Variants in FSHR observed in about 807,000 individuals in gnomAD.
The protein encoded by FSHR is follicle-stimulating hormone receptor.
A neutral mutation model predicts 52.1 loss-of-function variants in FSHR; 46 were observed. The observed-to-expected ratio is 0.88, with a 90% CI of 0.70 to 1.13. FSHR has a LOEUF of 1.13. FSHR is among the 50% of genes most tolerant of loss of function. The pLI, the probability that FSHR is intolerant of heterozygous loss-of-function variation, is 0.00. For missense variants in FSHR, 964 were observed against 834.6 expected, an observed-to-expected ratio of 1.16 and a Z score of -1.91; for synonymous variants, 399 against 309.6, an observed-to-expected ratio of 1.29 and a Z score of -3.03.
In FSHR at chr2:48,963,390, C is replaced by T. The variant is rs368888734; in HGVS notation, c.1431G>A (p.Leu477=). The T allele has an allele frequency of 2.6e-5, 42 of 1,613,924 alleles. No individual in the cohort carries two copies. Among genetic ancestry groups the T allele is most frequent in the Admixed American group, 2.0e-4 (12 of 59,988 alleles). Residue 477 remains leucine, a synonymous_variant, in exon 10 of 10, where the codon CTG becomes CTA. Coordinates refer to ENST00000406846, the MANE Select transcript of FSHR (RefSeq NM_000145.4). The part of the protein sequence containing the change: ...RWHTITHAMQ[L]DCKVQLRHAA... ...CATGGCGGAGCTGCACCTTGCAGTC[C>T]AGCTGCATGGCATGCGTGATGGTAT...
Position 49,076,886 on chromosome 2 carries a change from T to A in FSHR, c.153-8596A>T, listed in dbSNP as rs148136922. On this transcript the variant is annotated intron_variant, in intron 1 of 9. Transcript: ENST00000406846. ...TCCAAAATGATCTGTTTTGACTCCA[T>A]TTCTCACATCCAGGTCACAGTAATG... 9.0e-3 allele frequency among the ~76,000 whole-genome samples: 1,375 copies of A among 152,304 alleles called. 24 individuals are homozygous for A. The highest frequency in any genetic ancestry group is 0.031 in the African/African-American group (1,307 of 41,566).
At chr2:49,147,884 T>TGCTG (rs1672924724) in intron 1 of FSHR, among the ~76,000 whole-genome samples, 1 of 151,718 alleles carries the variant, frequency 6.6e-6, no homozygotes, top group South Asian at 2.1e-4. Context: ...GTGAACGCTG[T>TGCTG]GCTGTTTGTT....
At chr2:49,132,671 C>A (rs548112488) in intron 1 of FSHR, among the ~76,000 whole-genome samples, 2 of 152,062 alleles carry the variant, frequency 1.3e-5, no homozygotes, top group Non-Finnish European at 2.9e-5. Flanking sequence ...GCTTGCCCAA[C>A]TGTTCTCTTT....
intron 1 of FSHR, among the ~76,000 whole-genome samples, chr2:49,116,711 G>T (rs1168355519): frequency 1.3e-5 from 2 of 152,016 alleles, no homozygotes; most frequent in African/African-American, 4.8e-5. Context: ...AATTTTTTCA[G>T]ATTTAAATTT....
intron 1 of FSHR, among the ~76,000 whole-genome samples, chr2:49,144,321 A>G (rs890836335): frequency 1.3e-5 from 2 of 152,114 alleles, no homozygotes; most frequent in Admixed American, 1.3e-4. Context: ...TTCCTCCAGA[A>G]TCTTACCCCA....
At chr2:49,138,273 A>G (rs1039996514) in intron 1 of FSHR, among the ~76,000 whole-genome samples, 7 of 152,230 alleles carry the variant, frequency 4.6e-5, no homozygotes, top group Non-Finnish European at 1.0e-4. Flanking sequence ...GTGGGAATGT[A>G]AAATGGCTCA....
chr2:49,143,752 A>G (rs944101865), intron 1 of FSHR, among the ~76,000 whole-genome samples: 1 of 152,166 alleles, frequency 6.6e-6, no homozygotes, highest in African/African-American at 2.4e-5. Flanking sequence ...TCTGCATTCC[A>G]CAATATATTC....
At chr2:49,041,578 G>A (rs1371453748) in intron 2 of FSHR, among the ~76,000 whole-genome samples, 1 of 152,094 alleles carries the variant, frequency 6.6e-6, no homozygotes, top group Non-Finnish European at 1.5e-5. Flanking sequence ...TGGTCCTAGA[G>A]GATTTTATTT....
intron 1 of FSHR, among the ~76,000 whole-genome samples, chr2:49,127,764 T>C (rs199659187): frequency 0.1 from 4,120 of 40,844 alleles, 245 homozygotes; most frequent in East Asian, 0.18. Flanking sequence ...CTTCTTCTTC[T>C]TCTTCTTCTT....
intron 1 of FSHR, among the ~76,000 whole-genome samples, chr2:49,132,646 A>G (rs1378425108): frequency 6.6e-6 from 1 of 152,082 alleles, no homozygotes; most frequent in Non-Finnish European, 1.5e-5. Context: ...TTGCAATAAC[A>G]TTTATTTCCT....
chr2:48,963,456 C>G lies in FSHR; in HGVS notation c.1365G>C (p.Leu455=), dbSNP rs1274049378. ...AGFFTVFASE[L]SVYTLTAITL... is the part of the protein sequence containing the mutation. Reference sequence around the variant, plus strand: ...TGATAGCTGTCAGAGTGTAGACTGACAGCTCACTGGCAAAGACAGTGAAAA... The same window carrying G: ...TGATAGCTGTCAGAGTGTAGACTGAGAGCTCACTGGCAAAGACAGTGAAAA... The change falls in exon 10 of 10, where the codon CTG becomes CTC. Residue 455 remains leucine, a synonymous_variant. Coordinates refer to ENST00000406846, the MANE Select transcript of FSHR (RefSeq NM_000145.4). 3.7e-6 allele frequency: 6 copies of G among 1,614,060 alleles called. No individual in the cohort carries two copies. Among genetic ancestry groups the G allele is most frequent in the South Asian group, 1.1e-5 (1 of 91,092 alleles).
At chr2:49,119,006 G>A (rs1012614451) in intron 1 of FSHR, among the ~76,000 whole-genome samples, 1 of 151,984 alleles carries the variant, frequency 6.6e-6, no homozygotes, top group African/African-American at 2.4e-5. Flanking sequence ...TTCTTGTGAT[G>A]GTGTCAAGAG....
At position 49,052,308 on chromosome 2, in the gene FSHR, C is replaced by G. The variant is rs182091486; in HGVS notation, c.224+15911G>C. Reference sequence around the variant, plus strand: ...CCAGCTTCCTCTTTGATCTTATGTCCTGCCAACCTCCTCTTTGTTTTATTC... The same window carrying G: ...CCAGCTTCCTCTTTGATCTTATGTCGTGCCAACCTCCTCTTTGTTTTATTC... On this transcript the variant is annotated intron_variant, in intron 2 of 9. Coordinates refer to ENST00000406846, the MANE Select transcript of FSHR (RefSeq NM_000145.4). Among the ~76,000 whole-genome samples, 4 of 152,250 alleles carry G rather than the reference C, an allele frequency of 2.6e-5. No homozygotes were observed. In the East Asian group the frequency reaches 7.7e-4, roughly 29 times the overall value.
chr2:49,006,371 T>C (rs887944), intron 4 of FSHR, among the ~76,000 whole-genome samples: 117,860 of 151,944 alleles, frequency 0.78, 45,806 homozygotes, highest in Admixed American at 0.84. Context: ...TGCGTTAGGC[T>C]TAAACTTCTC....
chr2:48,979,174 A>G (rs1675125204), intron 8 of FSHR, among the ~76,000 whole-genome samples: 1 of 152,118 alleles, frequency 6.6e-6, no homozygotes, highest in Non-Finnish European at 1.5e-5. Flanking sequence ...GCTGGGTGTT[A>G]TGACTCACGC....
intron 1 of FSHR, among the ~76,000 whole-genome samples, chr2:49,147,503 C>A (rs1672911868): frequency 6.6e-6 from 1 of 152,052 alleles, no homozygotes; most frequent in Non-Finnish European, 1.5e-5. Flanking sequence ...GGAAGGATAG[C>A]ATGCACCTTT....
chr2:49,120,521 G>A (rs1024109575), intron 1 of FSHR, among the ~76,000 whole-genome samples: 1 of 152,172 alleles, frequency 6.6e-6, no homozygotes, highest in East Asian at 1.9e-4. Context: ...TTGATACAGT[G>A]ATATAATATT....
intron 4 of FSHR, among the ~76,000 whole-genome samples, chr2:49,008,885 T>C (rs1667166459): frequency 6.6e-6 from 1 of 151,678 alleles, no homozygotes; most frequent in Non-Finnish European, 1.5e-5. Context: ...TTTGTTTTTT[T>C]CTTGTAAATT....
chr2:48,983,136 T>A lies in FSHR; in HGVS notation c.555A>T (p.Ile185=), dbSNP rs1272507246. The part of the protein sequence containing the change: ...LWLNKNGIQE[I]HNCAFNGTQL... ...GGGTTCCATTGAATGCACAGTTGTG[T>A]ATTTCTTGAATCCCATTCTTATTCA... is the stretch of plus-strand genomic sequence containing the variant. The change falls in exon 7 of 10, where the codon ATA becomes ATT. Residue 185 remains isoleucine, a synonymous_variant. Coordinates refer to ENST00000406846, the MANE Select transcript of FSHR (RefSeq NM_000145.4). The A allele has an allele frequency of 1.9e-6, 3 of 1,614,036 alleles. No homozygotes were observed. The South Asian group carries it at 3.3e-5, about 18-fold the overall frequency.
Sources: gnomAD v4.1 joint callset for allele counts (sites outside exome capture counted in the v4.1 genomes callset) on GRCh38, gnomAD v4.1.1 for gene constraint, MANE v1.5 for transcripts, NCBI Gene and HGNC (gene_info 2026-07-23, HGNC 2026-07-21) for gene names.